Variants in SNTA1 observed in about 807,000 individuals in gnomAD.
SNTA1 encodes syntrophin alpha 1.
A neutral mutation model predicts 47.1 loss-of-function variants in SNTA1; 31 were observed. That is an observed-to-expected ratio of 0.66 (90% confidence interval 0.49 to 0.89). SNTA1 has a LOEUF of 0.89. SNTA1 is among the 40% of genes least tolerant of loss of function. The pLI, the probability that SNTA1 is intolerant of heterozygous loss-of-function variation, is 0.00. For synonymous variants in SNTA1, 300 were observed against 313.6 expected (o/e 0.96, Z 0.46); for missense variants, 575 against 693.0 (o/e 0.83, Z 1.91).
In SNTA1 at chr20:33,443,362, G is replaced by T. The variant is rs786205843; in HGVS notation, c.259C>A (p.Arg87Ser). ...GCGTCGGCCTTGCGCACCGTCACGC[G>T]GCGCCGCTGGAGCAGTAGCGCCTCT... The part of the protein sequence containing the change: ...LPEALLLQRR[R>S]VTVRKADAGG... Residue 87 changes from arginine (R) to serine (S), a missense_variant, in exon 1 of 8, where the codon CGC becomes AGC. Arg to Ser is a moderately radical substitution (Grantham distance 110, BLOSUM62 -1). Coordinates refer to ENST00000217381, the MANE Select transcript of SNTA1 (RefSeq NM_003098.3). 4 of 1,462,588 alleles carry T rather than the reference G, an allele frequency of 2.7e-6. No homozygotes were observed. Among genetic ancestry groups the T allele is most frequent in the Non-Finnish European group, 3.6e-6 (4 of 1,110,704 alleles). The allele number at this position is 1,462,588 out of a possible 1,614,324, so 90.6% of individuals were successfully genotyped here. A position where few individuals can be genotyped will look rare whatever the true frequency, so the allele number is the denominator to read the frequency against.
chr20:33,421,639 TAATAA>T (rs1990024557), intron 2 of SNTA1, among the ~76,000 whole-genome samples: 1 of 147,632 alleles, frequency 6.8e-6, no homozygotes, highest in Admixed American at 6.8e-5. Flanking sequence ...AAATAAAAAA[TAATAA>T]AATAATAAAA....
chr20:33,443,529 A>T lies in SNTA1; in HGVS notation c.92T>A (p.Val31Glu). The T allele has an allele frequency of 4.4e-6, 6 of 1,349,858 alleles. No homozygotes were observed. The highest frequency in any genetic ancestry group is 5.7e-6 in the Non-Finnish European group (6 of 1,043,808). 83.6% of individuals were successfully genotyped at this position (1,349,858 alleles called of 1,614,324 possible). Residue 31 changes from valine to glutamate, a missense_variant, in exon 1 of 8, where the codon GTG becomes GAG. Coordinates refer to ENST00000217381, the MANE Select transcript of SNTA1 (RefSeq NM_003098.3). Reference protein sequence around the residue: ...SGAGGERWQRVLLSLAEDVLT... With the variant: ...SGAGGERWQRELLSLAEDVLT... ...CACGTCCTCCGCCAGACTCAGCAGC[A>T]CCCGCTGCCATCGCTCGCCGCCGGC...
At chr20:33,427,078 A>G (rs1319167941) in intron 2 of SNTA1, among the ~76,000 whole-genome samples, 1 of 151,970 alleles carries the variant, frequency 6.6e-6, no homozygotes, top group Non-Finnish European at 1.5e-5. Flanking sequence ...AAAAAAAAAA[A>G]AAGCCAATTT....
Position 33,417,744 on chromosome 20 carries a change from A to C in SNTA1, c.676T>G (p.Cys226Gly). ...SLKMAYVSKR[C>G]TPNDPEPRYL... ...CTGGGCTCCGGGTCATTGGGGGTGC[A>C]CCTCTTCGAGACATATGCCATCTTC... is the stretch of plus-strand genomic sequence containing the variant. The change falls in exon 3 of 8, where the codon TGC becomes GGC. Residue 226 changes from cysteine to glycine, a missense_variant. By Grantham distance (159) the Cys-to-Gly change is radical. Coordinates refer to ENST00000217381, the MANE Select transcript of SNTA1 (RefSeq NM_003098.3). 1.2e-6 allele frequency: 2 copies of C among 1,614,030 alleles called. No homozygotes were observed. Among genetic ancestry groups the C allele is most frequent in the Non-Finnish European group, 1.7e-6 (2 of 1,179,988 alleles).
chr20:33,414,052 A>G (rs1989812187), intron 3 of SNTA1, among the ~76,000 whole-genome samples: 1 of 151,954 alleles, frequency 6.6e-6, no homozygotes, highest in African/African-American at 2.4e-5. Flanking sequence ...CAGCCTGATC[A>G]ACATGGAGAA....
At chr20:33,442,771 C>G (rs1990609010) in intron 1 of SNTA1, among the ~76,000 whole-genome samples, 1 of 152,236 alleles carries the variant, frequency 6.6e-6, no homozygotes, top group African/African-American at 2.4e-5. Flanking sequence ...GCTGTCAGGG[C>G]TCCCTGCAGC....
intron 2 of SNTA1, among the ~76,000 whole-genome samples, chr20:33,430,290 T>C (rs1449073970): frequency 7.0e-6 from 1 of 143,450 alleles, no homozygotes; most frequent in Non-Finnish European, 1.5e-5. Context: ...CTTTTTTCTT[T>C]TTTTTTTTTT....
chr20:33,433,360 G>C (rs930164529), intron 2 of SNTA1, among the ~76,000 whole-genome samples: 7 of 150,946 alleles, frequency 4.6e-5, no homozygotes, highest in Non-Finnish European at 8.8e-5. Flanking sequence ...TGCCTCCTGG[G>C]TTCAAGCAAT....
At chr20:33,417,696 G>C in intron 3 of SNTA1, 23 bp downstream of exon 3, 1 of 1,585,862 alleles carries the variant, frequency 6.3e-7, no homozygotes. Context: ...GTCCATCTGA[G>C]TTGCTCCCAA....
chr20:33,438,740 C>G, intron 2 of SNTA1, 101 bp downstream of exon 2: 1 of 998,362 alleles, frequency 1.0e-6, no homozygotes, highest in Non-Finnish European at 1.6e-6. Flanking sequence ...CACCTCCCAG[C>G]CCCCAGTGCT....
chr20:33,412,323 G>C lies in SNTA1; in HGVS notation c.1013C>G (p.Ala338Gly). Reference sequence around the variant, plus strand: ...GGTGGCGATGAGTGGGGCAGTACGGGCTGGCCGGCTCAGGGCCTCGCGGGT... The same window carrying C: ...GGTGGCGATGAGTGGGGCAGTACGGCCTGGCCGGCTCAGGGCCTCGCGGGT... Reference protein sequence around the residue: ...PETREALSRPARTAPLIATRL... With the variant: ...PETREALSRPGRTAPLIATRL... Residue 338 changes from alanine (A) to glycine (G), a missense_variant, in exon 5 of 8, where the codon GCC becomes GGC. Ala to Gly is a moderately conservative substitution (Grantham distance 60). Coordinates refer to ENST00000217381, the MANE Select transcript of SNTA1 (RefSeq NM_003098.3). 1 of 1,612,036 alleles carries C rather than the reference G, an allele frequency of 6.2e-7. No individual in the cohort carries two copies. The highest frequency in any genetic ancestry group is 8.5e-7 in the Non-Finnish European group (1 of 1,179,540).
chr20:33,412,479 G>A, intron 4 of SNTA1, 53 bp from the exon 5 acceptor site: 1 of 1,606,836 alleles, frequency 6.2e-7, no homozygotes, highest in Non-Finnish European at 8.5e-7. Flanking sequence ...AGGGCAGAGG[G>A]CCAGGGCAGG....
rs1367458746 is a variant in SNTA1, at chr20:33,408,312, G to A, written c.*195C>T. The A allele has an allele frequency of 3.2e-6, 2 of 622,044 alleles. No homozygotes were observed. Among genetic ancestry groups the A allele is most frequent in the Non-Finnish European group, 5.8e-6 (2 of 342,478 alleles). The allele number at this position is 622,044 out of a possible 1,614,324, so 38.5% of individuals were successfully genotyped here. Reference sequence around the variant, plus strand: ...CAGCAGGAAGGCCACCCCATCACAGGCAGAGTCCACTCTGTCCTGCGTCTG... The same window carrying A: ...CAGCAGGAAGGCCACCCCATCACAGACAGAGTCCACTCTGTCCTGCGTCTG... On this transcript the variant is annotated 3_prime_UTR_variant, in exon 8 of 8. Transcript: ENST00000217381.
intron 3 of SNTA1, among the ~76,000 whole-genome samples, chr20:33,415,832 C>T (rs1989861234): frequency 6.7e-6 from 1 of 149,414 alleles, no homozygotes; most frequent in South Asian, 2.1e-4. Context: ...ATTAAAAATA[C>T]AGGCGATGGC....
intron 5 of SNTA1, among the ~76,000 whole-genome samples, chr20:33,410,711 AC>A (rs1989719863): frequency 6.6e-6 from 1 of 152,022 alleles, no homozygotes; most frequent in South Asian, 2.1e-4. Context: ...CCAAAATAGC[AC>A]CCTTGTCACT....
chr20:33,439,401 A>G (rs1015246969), intron 1 of SNTA1, among the ~76,000 whole-genome samples: 3 of 152,172 alleles, frequency 2.0e-5, no homozygotes, highest in African/African-American at 2.4e-5. Context: ...CTGAAGTAGG[A>G]GGATCACTTG....
intron 3 of SNTA1, among the ~76,000 whole-genome samples, chr20:33,416,711 C>T (rs553383446): frequency 1.3e-5 from 2 of 152,036 alleles, no homozygotes; most frequent in African/African-American, 2.4e-5. Context: ...GAGGCTGAGG[C>T]GGGGGAATCA....
chr20:33,434,575 C>T (rs1990388758), intron 2 of SNTA1, among the ~76,000 whole-genome samples: 1 of 152,180 alleles, frequency 6.6e-6, no homozygotes, highest in African/African-American at 2.4e-5. Context: ...CATGTTACTT[C>T]TCTACTGCAT....
At chr20:33,421,736 G>T (rs920839948) in intron 2 of SNTA1, among the ~76,000 whole-genome samples, 12 of 151,178 alleles carry the variant, frequency 7.9e-5, no homozygotes, top group African/African-American at 2.9e-4. Flanking sequence ...CAGGCAGACT[G>T]CTTGAGCCCA....
Sources: allele counts gnomAD v4.1 joint callset (sites outside exome capture counted in the v4.1 genomes callset), GRCh38; gene constraint gnomAD v4.1.1; transcripts MANE v1.5; gene names NCBI Gene and HGNC (gene_info 2026-07-23, HGNC 2026-07-21).